MTSS1: variants seen among roughly 807,000 people sequenced by gnomAD.
MTSS1 encodes the protein protein MTSS 1.
In MTSS1, 18 loss-of-function variants were observed where a neutral mutation model predicts 79.0. That is an observed-to-expected ratio of 0.23 (90% confidence interval 0.16 to 0.34). The LOEUF is 0.34. MTSS1 is among the 10% of genes least tolerant of loss of function. The pLI, the probability that MTSS1 is intolerant of heterozygous loss-of-function variation, is 1.00. For missense variants in MTSS1, 815 were observed against 986.2 expected, an observed-to-expected ratio of 0.83 and a Z score of 2.33; for synonymous variants, 341 against 368.6, an observed-to-expected ratio of 0.93 and a Z score of 0.86.
chr8:124,606,780 C>T (rs1232683228), intron 3 of MTSS1, among the ~76,000 whole-genome samples: 1 of 152,070 alleles, frequency 6.6e-6, no homozygotes, highest in Non-Finnish European at 1.5e-5. Context: ...TACAGTTGGC[C>T]GGTCTGCATC....
chr8:124,637,983 T>G (rs1038050489), intron 3 of MTSS1, among the ~76,000 whole-genome samples: 4 of 152,216 alleles, frequency 2.6e-5, no homozygotes, highest in African/African-American at 9.7e-5. Flanking sequence ...GTTTGGCAGT[T>G]TAGGGGGAGT....
intron 3 of MTSS1, among the ~76,000 whole-genome samples, chr8:124,688,281 ATG>A (rs1350135058): frequency 7.3e-5 from 11 of 151,148 alleles, no homozygotes; most frequent in East Asian, 3.9e-4. Context: ...GTGTGTATAT[ATG>A]TGTGTACGTG....
intron 7 of MTSS1, 145 bp from the exon 8 acceptor site, chr8:124,567,323 G>A: frequency 1.4e-6 from 1 of 721,520 alleles, no homozygotes; most frequent in Non-Finnish European, 2.3e-6. Flanking sequence ...CTTTGCTGAA[G>A]GCACTACATG....
chr8:124,696,853 A>C (rs1828920965), intron 3 of MTSS1, among the ~76,000 whole-genome samples: 1 of 62,538 alleles, frequency 1.6e-5, no homozygotes, highest in African/African-American at 4.0e-5. Flanking sequence ...GTCCGTCTCA[A>C]AAAAAAAAAA....
At chr8:124,575,662 T>C (rs1396298239) in intron 6 of MTSS1, among the ~76,000 whole-genome samples, 3 of 152,048 alleles carry the variant, frequency 2.0e-5, no homozygotes, top group Non-Finnish European at 2.9e-5. Context: ...AAAGATCCCA[T>C]GATTCTTTCA....
chr8:124,557,405 C>T (rs1314895339), intron 11 of MTSS1, among the ~76,000 whole-genome samples: 1 of 152,202 alleles, frequency 6.6e-6, no homozygotes, highest in Non-Finnish European at 1.5e-5. Context: ...CCGCTGCCTG[C>T]GGTGCACACT....
chr8:124,564,519 G>A (rs190125891), intron 9 of MTSS1, among the ~76,000 whole-genome samples: 9 of 152,198 alleles, frequency 5.9e-5, no homozygotes, highest in Admixed American at 3.3e-4. Context: ...GTTGGGGACC[G>A]ACAGTAAAGC....
At chr8:124,612,197 GA>G (rs1482343538) in intron 3 of MTSS1, among the ~76,000 whole-genome samples, 1 of 152,158 alleles carries the variant, frequency 6.6e-6, no homozygotes, top group African/African-American at 2.4e-5. Flanking sequence ...AACAACTGGG[GA>G]AAAAAGAAAG....
intron 3 of MTSS1, chr8:124,619,174 A>G (rs1812972207): frequency 6.6e-6 from 1 of 152,162 alleles, no homozygotes; most frequent in Admixed American, 6.5e-5. Flanking sequence ...CAACACACGC[A>G]CTTCAGGTGA....
chr8:124,684,708 G>A (rs1215810037), intron 3 of MTSS1, among the ~76,000 whole-genome samples: 2 of 152,182 alleles, frequency 1.3e-5, no homozygotes, highest in South Asian at 2.1e-4. Context: ...TGAAGTGGGG[G>A]CAGATAAGCT....
intron 3 of MTSS1, among the ~76,000 whole-genome samples, chr8:124,667,255 G>C (rs1378832509): frequency 1.3e-5 from 2 of 152,132 alleles, no homozygotes; most frequent in East Asian, 3.8e-4. Context: ...ACCCTCTCAG[G>C]GCAACTGTGA....
chr8:124,608,555 CT>C (rs1314415955), intron 3 of MTSS1, among the ~76,000 whole-genome samples: 9 of 152,214 alleles, frequency 5.9e-5, no homozygotes, highest in Non-Finnish European at 8.8e-5. Context: ...AGCAGTGGGC[CT>C]GAGTGTTCCT....
chr8:124,710,779 G>T (rs1026877147), intron 1 of MTSS1, among the ~76,000 whole-genome samples: 1 of 152,198 alleles, frequency 6.6e-6, no homozygotes, highest in African/African-American at 2.4e-5. Flanking sequence ...GACAGCTGAG[G>T]GAATTCAACA....
At chr8:124,712,403 A>C (rs1046210638) in intron 1 of MTSS1, among the ~76,000 whole-genome samples, 2 of 152,148 alleles carry the variant, frequency 1.3e-5, no homozygotes, top group Admixed American at 1.3e-4. Context: ...GGAGGCTGGC[A>C]CCTTCTGACC....
intron 3 of MTSS1, among the ~76,000 whole-genome samples, chr8:124,656,781 C>CAAAAA (rs59332225): frequency 3.9e-5 from 2 of 51,634 alleles, no homozygotes; most frequent in African/African-American, 1.1e-4. Flanking sequence ...GACTCCATCT[C>CAAAAA]AAAAAAAAAA....
intron 3 of MTSS1, among the ~76,000 whole-genome samples, chr8:124,599,176 G>C (rs1318867477): frequency 6.6e-6 from 1 of 152,096 alleles, no homozygotes; most frequent in African/African-American, 2.4e-5. Flanking sequence ...GTACCCACTA[G>C]GGTTCAAGTT....
At chr8:124,631,910 G>A (rs1463749347) in intron 3 of MTSS1, among the ~76,000 whole-genome samples, 2 of 152,202 alleles carry the variant, frequency 1.3e-5, no homozygotes, top group Non-Finnish European at 2.9e-5. Context: ...ACAGATCTGA[G>A]CTTTGGGCCT....
chr8:124,663,150 C>G (rs532572529), intron 3 of MTSS1, among the ~76,000 whole-genome samples: 1 of 152,296 alleles, frequency 6.6e-6, no homozygotes, highest in South Asian at 2.1e-4. Flanking sequence ...CAGACACCTG[C>G]ACACGTGTCT....
chr8:124,699,455 G>GCAGC, intron 3 of MTSS1, 71 bp downstream of exon 3: 1 of 1,391,588 alleles, frequency 7.2e-7, no homozygotes, highest in Non-Finnish European at 1.0e-6. Flanking sequence ...ATCTTCTTGT[G>GCAGC]CAGCCACCCA....
Sources: gnomAD v4.1 joint callset for allele counts (sites outside exome capture counted in the v4.1 genomes callset) on GRCh38, gnomAD v4.1.1 for gene constraint, MANE v1.5 for transcripts, NCBI Gene and HGNC (gene_info 2026-07-23, HGNC 2026-07-21) for gene names.